SAMMSON: variants seen among roughly 807,000 people sequenced by gnomAD.
The protein encoded by SAMMSON is survival associated mitochondrial melanoma specific oncogenic non-coding RNA.
chr3:70,240,961 G>C (rs1472373309), intron 4 of SAMMSON, among the ~76,000 whole-genome samples: 1 of 152,096 alleles, frequency 6.6e-6, no homozygotes, highest in African/African-American at 2.4e-5. Context: ...CAAGTTAATA[G>C]CTTACTAGCT....
At chr3:70,286,849 C>A (rs1483321918) in intron 6 of SAMMSON, among the ~76,000 whole-genome samples, 4 of 152,046 alleles carry the variant, frequency 2.6e-5, no homozygotes, top group South Asian at 2.1e-4. Flanking sequence ...CATGATTTGG[C>A]TCTCTGTTTG....
intron 4 of SAMMSON, among the ~76,000 whole-genome samples, chr3:70,152,157 T>C (rs1263386587): frequency 6.6e-6 from 1 of 151,966 alleles, no homozygotes; most frequent in East Asian, 1.9e-4. Context: ...CAGAAATATG[T>C]TTATCCTTAA....
intron 7 of SAMMSON, among the ~76,000 whole-genome samples, chr3:70,294,890 C>G (rs766249145): frequency 6.6e-6 from 1 of 151,910 alleles, no homozygotes. Flanking sequence ...TTTTTGTGAA[C>G]CATCTTAAAG....
intron 1 of SAMMSON, among the ~76,000 whole-genome samples, chr3:70,003,188 T>C (rs1294321852): frequency 2.6e-5 from 4 of 152,068 alleles, no homozygotes; most frequent in Non-Finnish European, 5.9e-5. Context: ...ATGGCATGTA[T>C]TTTTACTCTT....
chr3:70,391,663 T>C (rs1043531710), downstream of SAMMSON, among the ~76,000 whole-genome samples: 1 of 152,160 alleles, frequency 6.6e-6, no homozygotes, highest in Non-Finnish European at 1.5e-5. Flanking sequence ...CATTTCCTTC[T>C]ATGAAAGGGA....
chr3:70,118,079 C>T lies in SAMMSON; in HGVS notation n.507+46514C>T, dbSNP rs987677291. The stretch of plus-strand genomic sequence containing the variant: ...ATTACAGGCACCCCACCACCACGCC[C>T]GGCTAATTTTGTTTTTTATTTTTAG... On this transcript the variant is annotated intron_variant and non_coding_transcript_variant, in intron 4 of 9. Transcript: ENST00000642114. 7.2e-5 allele frequency among the ~76,000 whole-genome samples: 11 copies of T among 151,898 alleles called. No individual in the cohort carries two copies. The South Asian group carries it at 8.3e-4, about 11-fold the overall frequency.
At position 70,113,309 on chromosome 3, in the gene SAMMSON, ATTAGG is replaced by A. The variant is rs1481881911; in HGVS notation, n.507+41745_507+41749del. 2.6e-5 allele frequency among the ~76,000 whole-genome samples: 4 copies of A among 152,276 alleles called. No homozygotes were observed. The East Asian group carries it at 7.7e-4, about 29-fold the overall frequency. ...TTCCCCAAATCAATTTTTCCATGTT[ATTAGG>A]CCATTCATATTTTGATCATGCACAT... On this transcript the variant is annotated intron_variant and non_coding_transcript_variant, in intron 4 of 9. Coordinates refer to ENST00000642114, the Ensembl canonical transcript of SAMMSON.
intron 4 of SAMMSON, among the ~76,000 whole-genome samples, chr3:70,136,875 G>A (rs2067508032): frequency 6.6e-6 from 1 of 152,024 alleles, no homozygotes; most frequent in African/African-American, 2.4e-5. Context: ...AGTTTTTATA[G>A]TTATGATCAA....
At chr3:70,405,405 A>G (rs932366062) in intron 2 of SAMMSON, among the ~76,000 whole-genome samples, 2 of 152,208 alleles carry the variant, frequency 1.3e-5, no homozygotes, top group African/African-American at 2.4e-5. Context: ...ATAGTAGAAG[A>G]AGCAGGAAAA....
At chr3:70,173,673 C>T (rs1013303090) in intron 4 of SAMMSON, among the ~76,000 whole-genome samples, 1 of 151,828 alleles carries the variant, frequency 6.6e-6, no homozygotes, top group Non-Finnish European at 1.5e-5. Context: ...ACAATGATCA[C>T]GAGCCAAAAT....
chr3:70,183,515 C>T (rs1268861114), intron 4 of SAMMSON: 3 of 152,174 alleles, frequency 2.0e-5, no homozygotes, highest in Admixed American at 1.3e-4. Flanking sequence ...AGTTTGAACA[C>T]AGTCCTTTTT....
Position 70,403,185 on chromosome 3 carries a change from C to T in SAMMSON, n.233+44861C>T, listed in dbSNP as rs145260871. 1.2e-3 allele frequency among the ~76,000 whole-genome samples: 183 copies of T among 152,190 alleles called. 1 individual carries two copies. Among genetic ancestry groups the T allele is most frequent in the African/African-American group, 4.2e-3 (174 of 41,524 alleles). On this transcript the variant is annotated intron_variant and non_coding_transcript_variant, in intron 2 of 3. Coordinates refer to the SAMMSON transcript ENST00000641053. ...GATGGTCTTAAAGAGTTTGTGTGCC[C>T]ACCCATTCCTACCCTGCCCTGTGCA... is the stretch of plus-strand genomic sequence containing the variant.
At chr3:70,370,387 C>T (rs1702957813) in intron 9 of SAMMSON, among the ~76,000 whole-genome samples, 1 of 151,920 alleles carries the variant, frequency 6.6e-6, no homozygotes, top group Admixed American at 6.6e-5. Flanking sequence ...AATCTCCATA[C>T]GGTTTTCCGT....
intron 4 of SAMMSON, among the ~76,000 whole-genome samples, chr3:70,174,681 CA>C (rs1700996263): frequency 6.6e-6 from 1 of 151,834 alleles, no homozygotes; most frequent in South Asian, 2.1e-4. Flanking sequence ...CATATGCCTA[CA>C]AATGAAAAAA....
chr3:70,266,645 T>C (rs1025088542), intron 6 of SAMMSON, among the ~76,000 whole-genome samples: 4 of 152,120 alleles, frequency 2.6e-5, no homozygotes, highest in African/African-American at 9.7e-5. Context: ...AGGATCTCCC[T>C]ATGTTGCCCA....
intron 6 of SAMMSON, among the ~76,000 whole-genome samples, chr3:70,275,191 T>C (rs535610007): frequency 6.6e-6 from 1 of 152,340 alleles, no homozygotes; most frequent in South Asian, 2.1e-4. Context: ...GCCTGTTTTA[T>C]ATATTGTGCT....
intron 7 of SAMMSON, among the ~76,000 whole-genome samples, chr3:70,313,381 G>T (rs1397574621): frequency 1.3e-5 from 2 of 151,828 alleles, no homozygotes; most frequent in Non-Finnish European, 2.9e-5. Flanking sequence ...GAGAGGTTAA[G>T]GTGGGAGAAT....
chr3:70,252,573 G>A (rs1056274474), intron 6 of SAMMSON, among the ~76,000 whole-genome samples: 3 of 152,144 alleles, frequency 2.0e-5, no homozygotes, highest in African/African-American at 7.2e-5. Context: ...AATAAAGTGG[G>A]CCAGATAACA....
chr3:70,173,602 T>A (rs1159544263), intron 4 of SAMMSON, among the ~76,000 whole-genome samples: 2 of 151,968 alleles, frequency 1.3e-5, no homozygotes, highest in Non-Finnish European at 2.9e-5. Context: ...TTATATATGC[T>A]CAAACTAGAT....
Sources: gnomAD v4.1 joint callset for allele counts (sites outside exome capture counted in the v4.1 genomes callset) on GRCh38, gnomAD v4.1.1 for gene constraint, MANE v1.5 for transcripts, NCBI Gene and HGNC (gene_info 2026-07-23, HGNC 2026-07-21) for gene names.